The following TBC1D30 variants were observed in gnomAD, a reference collection of about 807,000 sequenced individuals.
TBC1D30 encodes TBC1 domain family member 30, also known as TBC1 domain family, member 30.
Under a neutral mutation model 63.2 loss-of-function variants are expected in TBC1D30, and 31 were observed. The ratio of observed to expected loss-of-function variants is 0.49; its 90% CI spans 0.37 to 0.66. The LOEUF is 0.66. Ranked by LOEUF, TBC1D30 falls within the 30% of genes least tolerant of loss-of-function variation. The pLI is 0.00. For synonymous variants in TBC1D30, 307 were observed against 361.5 expected (o/e 0.85, Z 1.71); for missense variants, 810 against 953.6 (o/e 0.85, Z 1.98).
At chr12:64,837,999 AAGGG>A (rs1875518269) in intron 6 of TBC1D30, among the ~76,000 whole-genome samples, 1 of 152,202 alleles carries the variant, frequency 6.6e-6, no homozygotes, top group Non-Finnish European at 1.5e-5. Flanking sequence ...CTGTAATTTG[AAGGG>A]AGGATCAGTG....
At chr12:64,870,545 A>G (rs1367330757) in intron 10 of TBC1D30, 57 bp from the exon 11 acceptor site, 6 of 1,408,010 alleles carry the variant, frequency 4.3e-6, no homozygotes, top group East Asian at 2.5e-5. Context: ...ATCAATTTCC[A>G]TTTACTCCTG....
At chr12:64,813,386 T>TAAC (rs201967839) in intron 2 of TBC1D30, among the ~76,000 whole-genome samples, 7,228 of 151,428 alleles carry the variant, frequency 0.048, 188 homozygotes, top group African/African-American at 0.073. Flanking sequence ...CAAGAGTCCA[T>TAAC]AACAACAACA....
intron 7 of TBC1D30, among the ~76,000 whole-genome samples, chr12:64,839,345 G>A (rs1013888167): frequency 2.0e-5 from 3 of 152,106 alleles, no homozygotes; most frequent in South Asian, 2.1e-4. Context: ...ATTCTCTGTT[G>A]GAATCTGTTA....
At chr12:64,838,356 G>A (rs768138914) in intron 6 of TBC1D30, among the ~76,000 whole-genome samples, 11 of 152,176 alleles carry the variant, frequency 7.2e-5, no homozygotes, top group Non-Finnish European at 1.2e-4. Context: ...GCTTTTGAGA[G>A]GCTTAAGTCC....
intron 8 of TBC1D30, among the ~76,000 whole-genome samples, chr12:64,852,615 T>TC (rs1372787686): frequency 6.6e-6 from 1 of 152,206 alleles, no homozygotes; most frequent in Non-Finnish European, 1.5e-5. Flanking sequence ...TCCCTCATTT[T>TC]CATGGATTTA....
intron 8 of TBC1D30, among the ~76,000 whole-genome samples, chr12:64,850,590 A>C (rs1052123216): frequency 3.3e-5 from 5 of 152,160 alleles, no homozygotes; most frequent in African/African-American, 1.2e-4. Context: ...TGATTTGCAT[A>C]TATTGAACCA....
chr12:64,801,565 G>C (rs2136316893), intron 2 of TBC1D30, among the ~76,000 whole-genome samples: 1 of 152,284 alleles, frequency 6.6e-6, no homozygotes, highest in East Asian at 1.9e-4. Context: ...GGAGCTAGAG[G>C]GAGCTGTAGG....
chr12:64,802,539 G>T (rs541402044), intron 2 of TBC1D30, among the ~76,000 whole-genome samples: 23 of 151,976 alleles, frequency 1.5e-4, no homozygotes, highest in Non-Finnish European at 2.8e-4. Context: ...GGGTACATGT[G>T]CACAACATAC....
At chr12:64,853,116 C>T (rs1479407615) in intron 8 of TBC1D30, among the ~76,000 whole-genome samples, 1 of 152,182 alleles carries the variant, frequency 6.6e-6, no homozygotes, top group Non-Finnish European at 1.5e-5. Flanking sequence ...GGTGCTCTCT[C>T]CCAGGGAGAT....
At chr12:64,865,995 A>T (rs189686457) in intron 9 of TBC1D30, among the ~76,000 whole-genome samples, 1 of 152,154 alleles carries the variant, frequency 6.6e-6, no homozygotes, top group East Asian at 1.9e-4. Context: ...TTAGTCTCCT[A>T]AGTAGCTGGG....
At chr12:64,785,972 T>C in exon 2 of TBC1D30, 3 of 1,289,852 alleles carry the variant, frequency 2.3e-6, no homozygotes, top group Non-Finnish European at 3.0e-6. Context: ...AGCAGAAAGA[T>C]AGGCTTCTGC....
At chr12:64,798,117 A>G (rs921621523) in intron 2 of TBC1D30, among the ~76,000 whole-genome samples, 1 of 152,244 alleles carries the variant, frequency 6.6e-6, no homozygotes, top group Admixed American at 6.5e-5. Flanking sequence ...AAATGTGTAC[A>G]TGTATATATG....
chr12:64,828,607 T>G, intron 3 of TBC1D30, 98 bp downstream of exon 3: 2 of 756,610 alleles, frequency 2.6e-6, no homozygotes. Flanking sequence ...TTTAGTTACT[T>G]GAAAACCTGT....
intron 2 of TBC1D30, among the ~76,000 whole-genome samples, chr12:64,807,186 C>A (rs1409718788): frequency 6.6e-6 from 1 of 152,184 alleles, no homozygotes; most frequent in Non-Finnish European, 1.5e-5. Flanking sequence ...TGAGTTCTCA[C>A]AAGATCCGAT....
intron 7 of TBC1D30, among the ~76,000 whole-genome samples, chr12:64,839,732 C>T (rs919351924): frequency 6.6e-6 from 1 of 152,008 alleles, no homozygotes; most frequent in African/African-American, 2.4e-5. Context: ...ATCGGCCGAG[C>T]GCGGTAGCTC....
intron 2 of TBC1D30, among the ~76,000 whole-genome samples, chr12:64,793,827 T>C (rs993327439): frequency 5.3e-5 from 8 of 152,234 alleles, no homozygotes; most frequent in African/African-American, 1.9e-4. Flanking sequence ...CACTCCCTAC[T>C]GGCTGGGCTC....
At chr12:64,826,771 C>T (rs1401848496) in intron 1 of TBC1D30, among the ~76,000 whole-genome samples, 1 of 152,154 alleles carries the variant, frequency 6.6e-6, no homozygotes, top group East Asian at 1.9e-4. Flanking sequence ...CTGGGATTCT[C>T]TGCCACAGCT....
At chr12:64,807,156 C>T (rs1434569196) in intron 2 of TBC1D30, among the ~76,000 whole-genome samples, 5 of 152,046 alleles carry the variant, frequency 3.3e-5, no homozygotes, top group African/African-American at 1.2e-4. Context: ...GTGGTTCCTC[C>T]CATGCTGTTC....
At chr12:64,826,417 T>C (rs1874353458) in intron 1 of TBC1D30, among the ~76,000 whole-genome samples, 1 of 152,100 alleles carries the variant, frequency 6.6e-6, no homozygotes, top group African/African-American at 2.4e-5. Context: ...AGGGAATCCT[T>C]GTAGTGTGGC....
Sources: gnomAD v4.1 joint callset for allele counts (sites outside exome capture counted in the v4.1 genomes callset) on GRCh38, gnomAD v4.1.1 for gene constraint, MANE v1.5 for transcripts, NCBI Gene and HGNC (gene_info 2026-07-23, HGNC 2026-07-21) for gene names.